Variants in AHNAK2 observed in about 807,000 individuals in gnomAD.
The protein encoded by AHNAK2 is AHNAK nucleoprotein 2.
Under a neutral mutation model 30.7 loss-of-function variants are expected in AHNAK2, and 18 were observed. The observed-to-expected ratio is 0.59, with a 90% CI of 0.41 to 0.87. The LOEUF is 0.87. Among genes scored for constraint, AHNAK2 ranks in the 40% least tolerant of loss-of-function variants. AHNAK2 has a pLI of 0.00. For synonymous variants in AHNAK2, 3,590 were observed against 3,073.8 expected (o/e 1.17, Z -5.56); for missense variants, 8,604 against 7,373.0 (o/e 1.17, Z -6.11).
rs375578054 is a variant in AHNAK2, at chr14:104,952,708, G to A, written c.2743C>T (p.His915Tyr). ...PVPEGAGPKV[H>Y]LPKVEMPSFK... ...CTGGGCATCTCCACTTTGGGCAGGT[G>A]CACTTTGGGGCCGGCTCCCTCGGGC... The change falls in exon 7 of 7, where the codon CAC becomes TAC. Residue 915 changes from histidine to tyrosine, a missense_variant. Coordinates refer to ENST00000333244, the MANE Select transcript of AHNAK2 (RefSeq NM_138420.4). 128 of 1,612,968 alleles carry A rather than the reference G, an allele frequency of 7.9e-5. 3 individuals are homozygous for A. The South Asian group carries it at 1.3e-3, about 16-fold the overall frequency.
chr14:104,959,763 G>A (rs1899084174), intron 1 of AHNAK2, among the ~76,000 whole-genome samples: 1 of 152,208 alleles, frequency 6.6e-6, no homozygotes, highest in African/African-American at 2.4e-5. Flanking sequence ...GGACTGAAAG[G>A]AACTAATACC....
Position 104,948,252 on chromosome 14 carries a change from T to A in AHNAK2, c.7199A>T (p.His2400Leu), listed in dbSNP as rs542230766. 1 of 1,612,422 alleles carries A rather than the reference T, an allele frequency of 6.2e-7. No homozygotes were observed. Among genetic ancestry groups the A allele is most frequent in the African/African-American group, 1.3e-5 (1 of 74,530 alleles). ...PVPEGAGLKGHLPKLQMPSFK... is the reference protein window; with the variant it reads ...PVPEGAGLKGLLPKLQMPSFK... ...ACTGGGCATCTGCAGCTTGGGCAGGTGCCCTTTGAGGCCGGCTCCCTCCGG... is the reference window on the plus strand; with the variant it reads ...ACTGGGCATCTGCAGCTTGGGCAGGAGCCCTTTGAGGCCGGCTCCCTCCGG... Residue 2400 changes from histidine to leucine, a missense_variant, in exon 7 of 7, where the codon CAC becomes CTC. His to Leu is a moderately conservative substitution (Grantham distance 99, BLOSUM62 -3). Coordinates refer to ENST00000333244, the MANE Select transcript of AHNAK2 (RefSeq NM_138420.4).
At position 104,948,903 on chromosome 14, in the gene AHNAK2, A is replaced by C; in HGVS notation, c.6548T>G (p.Val2183Gly). Residue 2183 changes from valine (V) to glycine (G), a missense_variant, in exon 7 of 7, where the codon GTG (valine) becomes GGG (glycine). Val to Gly is a moderately radical substitution (Grantham distance 109). Transcript: ENST00000333244. ...EASVDVSPPK[V>G]EADMSLPSMQ... ...GGAGGGGAGACTCATGTCGGCCTCC[A>C]CCTTGGGTGGAGACACATCCACCGA... 1.2e-6 allele frequency: 2 copies of C among 1,601,880 alleles called. No individual in the cohort carries two copies. Among genetic ancestry groups the C allele is most frequent in the Non-Finnish European group, 1.7e-6 (2 of 1,173,944 alleles).
At position 104,950,474 on chromosome 14, in the gene AHNAK2, T is replaced by C. The variant is rs753895233; in HGVS notation, c.4977A>G (p.Lys1659=). The change falls in exon 7 of 7, where the codon AAA becomes AAG. Residue 1659 remains lysine, a synonymous_variant. Transcript: ENST00000333244. The part of the protein sequence containing the change: ...KAVTAKDSKF[K]MPKFKMPSFG... ...ATGATGGCATCTTGAACTTGGGCATTTTGAACTTGCTGTCTTTGGCAGTCA... is the reference window on the plus strand; with the variant it reads ...ATGATGGCATCTTGAACTTGGGCATCTTGAACTTGCTGTCTTTGGCAGTCA... 2.5e-6 allele frequency: 4 copies of C among 1,585,586 alleles called. 1 individual carries two copies. In the East Asian group the frequency reaches 9.1e-5, roughly 36 times the overall value.
In AHNAK2 at chr14:104,943,977, G is replaced by T. The variant is rs751708464; in HGVS notation, c.11474C>A (p.Ser3825Ter). The change falls in exon 7 of 7, where the codon TCG (serine) becomes TAG (stop). Residue 3825 changes from serine to a stop codon, truncating the protein, a stop_gained. Coordinates refer to ENST00000333244, the MANE Select transcript of AHNAK2 (RefSeq NM_138420.4). LOFTEE classifies it low-confidence loss of function (END_TRUNC). Reference protein sequence around the residue: ...VSAPGKSIEASVHVSAPKVEA... With the variant: ...VSAPGKSIEA ...CACCTTGGGTGCAGACACGTGCACCGAGGCCTCAATGGACTTGCCTGGGGC... is the reference window on the plus strand; with the variant it reads ...CACCTTGGGTGCAGACACGTGCACCTAGGCCTCAATGGACTTGCCTGGGGC... 3 of 1,611,576 alleles carry T rather than the reference G, an allele frequency of 1.9e-6. No individual in the cohort carries two copies. The Admixed American group carries it at 5.0e-5, about 27-fold the overall frequency.
rs193212565 is a variant in AHNAK2 at position 104,949,358 on chromosome 14, C to G, written c.6093G>C (p.Leu2031=). Residue 2031 remains leucine, a synonymous_variant, in exon 7 of 7, where the codon CTG becomes CTC. Coordinates refer to ENST00000333244, the MANE Select transcript of AHNAK2 (RefSeq NM_138420.4). ...DVSLPSMQGD[L]KTTDLSIQPP... ...GCTGAATGCTGAGGTCAGTGGTCTT[C>G]AGGTCCCCCTGCATGGAGGGGAGAC... is the stretch of plus-strand genomic sequence containing the variant. The G allele has an allele frequency of 7.8e-4, 1,202 of 1,549,418 alleles. 82 individuals carry two copies. Among genetic ancestry groups the G allele is most frequent in the African/African-American group, 7.4e-3 (516 of 69,620 alleles).
chr14:104,955,444 G>C, intron 5 of AHNAK2, 39 bp downstream of exon 5: 1 of 1,585,178 alleles, frequency 6.3e-7, no homozygotes, highest in African/African-American at 1.3e-5. Flanking sequence ...CATCCTGGTG[G>C]GGAGAATGGT....
rs747180738 is a variant in AHNAK2, at chr14:104,944,281, C to T, written c.11170G>A (p.Val3724Met). ...GGCATCTTCAAACTGGGCATCTCCACCTTGGGCAGGTGCTCTTTGAGGCCG... is the reference window on the plus strand; with the variant it reads ...GGCATCTTCAAACTGGGCATCTCCATCTTGGGCAGGTGCTCTTTGAGGCCG... Reference protein sequence around the residue: ...GAGLKEHLPKVEMPSLKMPKV... With the variant: ...GAGLKEHLPKMEMPSLKMPKV... The change falls in exon 7 of 7, where the codon GTG becomes ATG. Residue 3724 changes from valine (V) to methionine (M), a missense_variant. By Grantham distance (21) the Val-to-Met change is conservative. Transcript: ENST00000333244. 3.1e-6 allele frequency: 5 copies of T among 1,612,942 alleles called. No individual in the cohort carries two copies. Among genetic ancestry groups the T allele is most frequent in the African/African-American group, 1.3e-5 (1 of 74,710 alleles).
Position 104,940,568 on chromosome 14 carries a change from T to C in AHNAK2, c.14883A>G (p.Pro4961=). ...CCTTCTTCGGGGACCACCTAAATGA[T>C]GGAAGCTTAATCTTAGGCATTTTCA... ...SPLKMPKIKL[P]SFRWSPKKET... The change falls in exon 7 of 7, where the codon CCA becomes CCG. Residue 4961 remains proline, a synonymous_variant. Coordinates refer to ENST00000333244, the MANE Select transcript of AHNAK2 (RefSeq NM_138420.4). This position sits in a 1 kb window ranked among gnomAD's most constrained non-coding sequence, Gnocchi z 4.4. The C allele has an allele frequency of 6.2e-7, 1 of 1,613,722 alleles. No individual in the cohort carries two copies. Among genetic ancestry groups the C allele is most frequent in the South Asian group, 1.1e-5 (1 of 91,078 alleles).
Position 104,953,942 on chromosome 14 carries a change from T to C in AHNAK2, c.1509A>G (p.Glu503=). The part of the protein sequence containing the change: ...KFAFSTEKEP[E]RERRLSTPQR... ...GTGGGGTACTAAGGCGCCTTTCTCTTTCTGGCTCTTTTTCTGTGGAAAATG... is the reference window on the plus strand; with the variant it reads ...GTGGGGTACTAAGGCGCCTTTCTCTCTCTGGCTCTTTTTCTGTGGAAAATG... The change falls in exon 7 of 7, where the codon GAA becomes GAG. Residue 503 remains glutamate (E), a synonymous_variant. Coordinates refer to ENST00000333244, the MANE Select transcript of AHNAK2 (RefSeq NM_138420.4). The C allele has an allele frequency of 1.2e-6, 2 of 1,613,984 alleles. No individual in the cohort carries two copies. Among genetic ancestry groups the C allele is most frequent in the Non-Finnish European group, 1.7e-6 (2 of 1,179,888 alleles).
Position 104,941,324 on chromosome 14 carries a change from A to C in AHNAK2, c.14127T>G (p.Val4709=). 6.2e-7 allele frequency: 1 copy of C among 1,613,566 alleles called. No homozygotes were observed. The change falls in exon 7 of 7, where the codon GTT becomes GTG. Residue 4709 remains valine (V), a synonymous_variant. Coordinates refer to ENST00000333244, the MANE Select transcript of AHNAK2 (RefSeq NM_138420.4). Reference sequence around the variant, plus strand: ...TAGGAGTTTTGGTAGAAGAAAATGAAACTTTGGGCACTTTAAAATGCAGTT... The same window carrying C: ...TAGGAGTTTTGGTAGAAGAAAATGACACTTTGGGCACTTTAAAATGCAGTT... ...FKKLHFKVPK[V]SFSSTKTPKD...
At chr14:104,968,792 G>C (rs1377802828) in intron 1 of AHNAK2, among the ~76,000 whole-genome samples, 2 of 152,208 alleles carry the variant, frequency 1.3e-5, no homozygotes, top group Non-Finnish European at 2.9e-5. Context: ...GCACACGTGT[G>C]TGCTCACAGG....
intron 1 of AHNAK2, among the ~76,000 whole-genome samples, chr14:104,976,675 C>T (rs1009327725): frequency 4.6e-5 from 7 of 152,180 alleles, no homozygotes; most frequent in East Asian, 3.9e-4. Flanking sequence ...CTGCCCCAGA[C>T]GGGCTGGGAA....
chr14:104,970,581 C>G (rs1030868439), intron 1 of AHNAK2: 2 of 944,026 alleles, frequency 2.1e-6, no homozygotes, highest in African/African-American at 1.8e-5. Flanking sequence ...CTGCCTGCTC[C>G]TAGGGCTGGC....
chr14:104,941,446 C>T lies in AHNAK2; in HGVS notation c.14005G>A (p.Glu4669Lys). The change falls in exon 7 of 7, where the codon GAA becomes AAA. Residue 4669 changes from glutamate (E) to lysine (K), a missense_variant. Coordinates refer to ENST00000333244, the MANE Select transcript of AHNAK2 (RefSeq NM_138420.4). ...HEKTSTFPIVESVVHEGDLHD... is the reference protein window; with the variant it reads ...HEKTSTFPIVKSVVHEGDLHD... ...AGATCACCTTCATGAACAACAGATT[C>T]CACAATGGGAAATGTGGAAGTCTTC... 1 of 1,612,626 alleles carries T rather than the reference C, an allele frequency of 6.2e-7. No individual in the cohort carries two copies. The highest frequency in any genetic ancestry group is 8.5e-7 in the Non-Finnish European group (1 of 1,179,374).
chr14:104,947,452 T>C lies in AHNAK2; in HGVS notation c.7999A>G (p.Ile2667Val), dbSNP rs1444950788. The change falls in exon 7 of 7, where the codon ATC (isoleucine) becomes GTC (valine). Residue 2667 changes from isoleucine (I) to valine (V), a missense_variant. Ile to Val is a conservative substitution (Grantham distance 29). Transcript: ENST00000333244. ...SFRVSAPGES[I>V]EALVDVSELK... ...TCAGACACATCCACCAACGCCTCGA[T>C]GGACTCGCCTGGGGCCGACACCCTG... The C allele has an allele frequency of 1.9e-6, 3 of 1,612,564 alleles. No individual in the cohort carries two copies. The highest frequency in any genetic ancestry group is 1.7e-5 in the Admixed American group (1 of 59,928).
chr14:104,947,904 T>A lies in AHNAK2; in HGVS notation c.7547A>T (p.Asp2516Val). The A allele has an allele frequency of 6.2e-7, 1 of 1,612,270 alleles. No homozygotes were observed. Among genetic ancestry groups the A allele is most frequent in the South Asian group, 1.1e-5 (1 of 91,006 alleles). Residue 2516 changes from aspartate (D) to valine (V), a missense_variant, in exon 7 of 7, where the codon GAC (aspartate) becomes GTC (valine). By Grantham distance (152) the Asp-to-Val change is radical. Coordinates refer to ENST00000333244, the MANE Select transcript of AHNAK2 (RefSeq NM_138420.4). ...CCCCTGCATGGAGGAGAGGCTCCCGTCGGCCTCCACCTTCGGCGCAGACAC... is the reference window on the plus strand; with the variant it reads ...CCCCTGCATGGAGGAGAGGCTCCCGACGGCCTCCACCTTCGGCGCAGACAC... ...VDVSAPKVEA[D>V]GSLSSMQGDL...
At chr14:104,976,181 G>A (rs1899585973) in intron 1 of AHNAK2, among the ~76,000 whole-genome samples, 1 of 152,184 alleles carries the variant, frequency 6.6e-6, no homozygotes, top group Admixed American at 6.5e-5. Context: ...GAGGCAACCT[G>A]CCCCTGGAGT....
In AHNAK2 at chr14:104,947,784, A is replaced by T. The variant is rs377429030; in HGVS notation, c.7667T>A (p.Val2556Glu). The change falls in exon 7 of 7, where the codon GTG becomes GAG. Residue 2556 changes from valine (V) to glutamate (E), a missense_variant. Val to Glu is a moderately radical substitution (Grantham distance 121). Transcript: ENST00000333244. ...CCCTTTGAGGCCGGCTCCCTCCGGC[A>T]CAGGGCCCTCTGGGAGTTTCACGTC... is the stretch of plus-strand genomic sequence containing the variant. ...QVDVKLPEGP[V>E]PEGAGLKGHL... 32 of 1,612,512 alleles carry T rather than the reference A, an allele frequency of 2.0e-5. No homozygotes were observed. The highest frequency in any genetic ancestry group is 2.5e-5 in the Non-Finnish European group (30 of 1,179,614).
Sources: allele counts gnomAD v4.1 joint callset (sites outside exome capture counted in the v4.1 genomes callset), GRCh38; gene constraint gnomAD v4.1.1; non-coding constraint Gnocchi (gnomAD v3.1); transcripts MANE v1.5; gene names NCBI Gene and HGNC (gene_info 2026-07-23, HGNC 2026-07-21).